Variants in ROS1 observed in about 807,000 individuals in gnomAD.
ROS1 encodes the protein ROS proto-oncogene 1, receptor tyrosine kinase.
A neutral mutation model predicts 273.5 loss-of-function variants in ROS1; 263 were observed. That is an observed-to-expected ratio of 0.96 (90% confidence interval 0.87 to 1.06). The LOEUF (loss-of-function observed/expected upper bound fraction) is 1.06, where lower values mean the gene tolerates loss of function less well. Ranked by LOEUF, ROS1 falls within the 50% of genes least tolerant of loss-of-function variation. The pLI, the probability that ROS1 is intolerant of heterozygous loss-of-function variation, is 0.00. For synonymous variants in ROS1, 1,008 were observed against 954.1 expected (o/e 1.06, Z -1.04); for missense variants, 2,833 against 2,751.1 (o/e 1.03, Z -0.67).
chr6:117,400,038 C>T (rs1460759776), intron 7 of ROS1, among the ~76,000 whole-genome samples: 2 of 152,324 alleles, frequency 1.3e-5, no homozygotes, highest in African/African-American at 2.4e-5. Flanking sequence ...TGGACCTAGT[C>T]TGCCTTCCCA....
chr6:117,405,911 G>C (rs1774360800), intron 5 of ROS1, among the ~76,000 whole-genome samples: 1 of 152,188 alleles, frequency 6.6e-6, no homozygotes, highest in African/African-American at 2.4e-5. Flanking sequence ...GTTAATAATA[G>C]TATGTATAAC....
intron 14 of ROS1, 123 bp downstream of exon 14, chr6:117,387,657 T>C: frequency 1.1e-6 from 1 of 925,826 alleles, no homozygotes. Flanking sequence ...CTCAAACACA[T>C]ACTCAAGAGG....
chr6:117,319,814 A>G (rs2128558339), intron 37 of ROS1, 54 bp downstream of exon 37: 1 of 1,497,220 alleles, frequency 6.7e-7, no homozygotes, highest in Admixed American at 1.8e-5. Flanking sequence ...ATCCAGGTCA[A>G]TCTTTGTAGA....
intron 42 of ROS1, among the ~76,000 whole-genome samples, chr6:117,306,811 T>G (rs1486537322): frequency 6.6e-6 from 1 of 152,148 alleles, no homozygotes; most frequent in Non-Finnish European, 1.5e-5. Context: ...GATTGAATGG[T>G]ATTGCTGAGA....
chr6:117,310,381 T>A, intron 40 of ROS1, 100 bp from the exon 41 acceptor site: 2 of 163,026 alleles, frequency 1.2e-5, no homozygotes, highest in African/African-American at 3.4e-5. Flanking sequence ...AGAGAAACTA[T>A]TTTTTTTTTT....
intron 43 of ROS1, among the ~76,000 whole-genome samples, chr6:117,289,439 C>T (rs542994812): frequency 1.3e-5 from 2 of 152,022 alleles, no homozygotes; most frequent in African/African-American, 2.4e-5. Context: ...AGGAAAATAC[C>T]ATAATTTCAA....
chr6:117,404,751 G>C (rs937374777), intron 5 of ROS1, among the ~76,000 whole-genome samples: 1 of 152,136 alleles, frequency 6.6e-6, no homozygotes, highest in Non-Finnish European at 1.5e-5. Flanking sequence ...TTACAGGCGG[G>C]GGGAGCCAAT....
At chr6:117,323,590 C>A (rs1776432823) in intron 35 of ROS1, among the ~76,000 whole-genome samples, 1 of 152,056 alleles carries the variant, frequency 6.6e-6, no homozygotes, top group Admixed American at 6.6e-5. Context: ...AAAGAAAGTG[C>A]TATTATTATT....
chr6:117,290,465 A>G (rs1773757317), intron 43 of ROS1, among the ~76,000 whole-genome samples: 2 of 152,196 alleles, frequency 1.3e-5, no homozygotes, highest in South Asian at 2.1e-4. Context: ...TAAGTAGTCT[A>G]TGGGTCAGAT....
chr6:117,357,018 A>C (rs1709586876), intron 25 of ROS1, 103 bp from the exon 26 acceptor site: 1 of 974,756 alleles, frequency 1.0e-6, no homozygotes, highest in Admixed American at 2.4e-5. Context: ...TGTGAGGGAC[A>C]AATGGAGCCT....
At chr6:117,422,112 C>T (rs1226951315) in intron 1 of ROS1, among the ~76,000 whole-genome samples, 1 of 152,130 alleles carries the variant, frequency 6.6e-6, no homozygotes, top group Non-Finnish European at 1.5e-5. Flanking sequence ...CCTGCTCAAT[C>T]AATCCTCCCA....
chr6:117,337,258 G>T lies in ROS1; in HGVS notation c.5144C>A (p.Pro1715His). Residue 1715 changes from proline (P) to histidine (H), a missense_variant, in exon 32 of 44, where the codon CCT (proline) becomes CAT (histidine). Transcript: ENST00000368507. ...AYVCNITNLQ[P>H]YTSYNVRVVV... is the part of the protein sequence containing the mutation. ...TACTCTGACATTATATGAAGTATAA[G>T]GTTGTAGATTTGTGATATTACAGAC... 1.2e-6 allele frequency: 2 copies of T among 1,611,940 alleles called. No homozygotes were observed. The highest frequency in any genetic ancestry group is 1.7e-6 in the Non-Finnish European group (2 of 1,178,478).
At chr6:117,308,695 T>G (rs1022036860) in intron 42 of ROS1, 99 bp downstream of exon 42, 1 of 1,210,238 alleles carries the variant, frequency 8.3e-7, no homozygotes, top group Middle Eastern at 2.0e-4. Flanking sequence ...AAGTTCCAGT[T>G]CTTATTTTAA....
At chr6:117,330,980 C>T (rs1379102254) in intron 32 of ROS1, among the ~76,000 whole-genome samples, 11 of 152,064 alleles carry the variant, frequency 7.2e-5, no homozygotes, top group Non-Finnish European at 1.0e-4. Flanking sequence ...CAGAACTGGG[C>T]GGAGGATCAG....
At chr6:117,341,832 CA>C (rs1777953776) in intron 29 of ROS1, among the ~76,000 whole-genome samples, 200 bp from the exon 30 acceptor site, 1 of 152,134 alleles carries the variant, frequency 6.6e-6, no homozygotes, top group Non-Finnish European at 1.5e-5. Flanking sequence ...GCCCAGTGAC[CA>C]AATCATTCTC....
chr6:117,327,830 A>G (rs1235027022), intron 33 of ROS1, among the ~76,000 whole-genome samples: 2 of 152,202 alleles, frequency 1.3e-5, no homozygotes, highest in African/African-American at 2.4e-5. Flanking sequence ...TGGCACTTGC[A>G]TAAGAAGAGG....
intron 37 of ROS1, among the ~76,000 whole-genome samples, chr6:117,318,916 T>C (rs1237478140): frequency 6.6e-6 from 1 of 152,172 alleles, no homozygotes. Flanking sequence ...ATACTGGCTC[T>C]GACCTGACAC....
chr6:117,345,902 G>A (rs867413332), intron 27 of ROS1, among the ~76,000 whole-genome samples: 2 of 152,106 alleles, frequency 1.3e-5, no homozygotes, highest in Non-Finnish European at 2.9e-5. Flanking sequence ...CCAAAATGCA[G>A]GAAAAAATGT....
intron 27 of ROS1, among the ~76,000 whole-genome samples, chr6:117,347,014 TCTC>T (rs1778434850): frequency 6.6e-6 from 1 of 152,180 alleles, no homozygotes; most frequent in African/African-American, 2.4e-5. Flanking sequence ...ACTTTGTTCT[TCTC>T]CTTCAATACT....
Sources: allele counts gnomAD v4.1 joint callset (sites outside exome capture counted in the v4.1 genomes callset), GRCh38; gene constraint gnomAD v4.1.1; transcripts MANE v1.5; gene names NCBI Gene and HGNC (gene_info 2026-07-23, HGNC 2026-07-21).